ZBTB20: variants seen among roughly 807,000 people sequenced by gnomAD.
The protein encoded by ZBTB20 is zinc finger and BTB domain-containing protein 20.
A neutral mutation model predicts 56.9 loss-of-function variants in ZBTB20; 9 were observed. The observed-to-expected ratio is 0.16, with a 90% CI of 0.10 to 0.28. The LOEUF is 0.28. ZBTB20 is among the 10% of genes least tolerant of loss of function. The pLI, the probability that ZBTB20 is intolerant of heterozygous loss-of-function variation, is 1.00. For missense variants in ZBTB20, 655 were observed against 1,003.0 expected (o/e 0.65, Z 4.69); for synonymous variants, 417 against 420.7 (o/e 0.99, Z 0.11).
chr3:115,117,091 G>T (rs967119747), intron 1 of ZBTB20, among the ~76,000 whole-genome samples: 1 of 152,106 alleles, frequency 6.6e-6, no homozygotes, highest in African/African-American at 2.4e-5. Context: ...GTTGCAGAAA[G>T]TGCAGAAAGG....
intron 6 of ZBTB20, among the ~76,000 whole-genome samples, chr3:114,576,470 C>G (rs2054048277): frequency 8.3e-6 from 1 of 119,806 alleles, no homozygotes; most frequent in African/African-American, 3.2e-5. Flanking sequence ...CCGCTGCACT[C>G]CAGCCTGGGT....
At chr3:115,107,378 C>T (rs1240863011) in intron 1 of ZBTB20, among the ~76,000 whole-genome samples, 1 of 151,236 alleles carries the variant, frequency 6.6e-6, no homozygotes, top group Non-Finnish European at 1.5e-5. Context: ...TATGGTTGCA[C>T]CACTGCACTG....
At chr3:114,617,394 CCAGCACGGATTTAT>C (rs1439101593) in intron 6 of ZBTB20, among the ~76,000 whole-genome samples, 1 of 152,144 alleles carries the variant, frequency 6.6e-6, no homozygotes, top group Non-Finnish European at 1.5e-5. Flanking sequence ...CCTTCCATTC[CCAGCACGGATTTAT>C]CAGCTCTTCT....
At chr3:114,957,780 T>C (rs529628315) in intron 3 of ZBTB20, among the ~76,000 whole-genome samples, 16 of 152,170 alleles carry the variant, frequency 1.1e-4, no homozygotes, top group Non-Finnish European at 1.9e-4. Flanking sequence ...TCAACTCATA[T>C]CTGATGAGAA....
rs1224724687 is a variant in ZBTB20 at position 114,532,946 on chromosome 3, A to G, written c.-294-32555T>C. On this transcript the variant is annotated intron_variant, in intron 6 of 11. Transcript: ENST00000675478. ...ACAAACAGAAAGGAATAGCATCAAC[A>G]TTAACAAAAAAGATGTCCACACAAA... Among the ~76,000 whole-genome samples the G allele has an allele frequency of 2.0e-5, 3 of 152,242 alleles. No homozygotes were observed. The East Asian group carries it at 5.8e-4, about 29-fold the overall frequency.
Position 114,674,497 on chromosome 3 carries a change from T to C in ZBTB20, c.-295+19031A>G, listed in dbSNP as rs897638825. ...AAGAAAACAAGGGGAGGAATGAGCA[T>C]GTGGTACCTTGCTCTATTTTTAATT... is the stretch of plus-strand genomic sequence containing the variant. On this transcript the variant is annotated intron_variant, in intron 6 of 11. Coordinates refer to ENST00000675478, the MANE Select transcript of ZBTB20 (RefSeq NM_001348800.3). Among the ~76,000 whole-genome samples the C allele has an allele frequency of 7.9e-5, 12 of 152,196 alleles. 1 individual carries two copies. Among genetic ancestry groups the C allele is most frequent in the Admixed American group, 7.9e-4 (12 of 15,274 alleles).
chr3:115,007,215 T>C (rs1428870904), intron 2 of ZBTB20, among the ~76,000 whole-genome samples: 3 of 151,778 alleles, frequency 2.0e-5, no homozygotes, highest in African/African-American at 7.2e-5. Flanking sequence ...TATGTTTTGA[T>C]AAAATCAAGT....
intron 6 of ZBTB20, among the ~76,000 whole-genome samples, chr3:114,684,139 T>C (rs2062170584): frequency 6.6e-6 from 1 of 152,174 alleles, no homozygotes; most frequent in South Asian, 2.1e-4. Context: ...ACTGATTCTC[T>C]TGCTATGATG....
chr3:114,432,448 T>C (rs1361061833), intron 7 of ZBTB20, among the ~76,000 whole-genome samples: 8 of 152,212 alleles, frequency 5.3e-5, no homozygotes. Context: ...AGAATGGCAA[T>C]TGCTCATCCA....
intron 3 of ZBTB20, among the ~76,000 whole-genome samples, chr3:114,930,289 C>T (rs1438178142): frequency 6.6e-6 from 1 of 151,814 alleles, no homozygotes; most frequent in African/African-American, 2.4e-5. Context: ...GACGAGGTAC[C>T]TTATATCTTG....
At chr3:114,564,199 G>A (rs907217422) in intron 6 of ZBTB20, among the ~76,000 whole-genome samples, 2 of 151,798 alleles carry the variant, frequency 1.3e-5, no homozygotes, top group South Asian at 2.1e-4. Context: ...TCCTTTAAAC[G>A]GCCCTTATAA....
intron 1 of ZBTB20, among the ~76,000 whole-genome samples, chr3:115,072,017 A>G (rs1008205873): frequency 2.0e-5 from 3 of 152,182 alleles, no homozygotes; most frequent in African/African-American, 7.2e-5. Flanking sequence ...AAATACTTAG[A>G]AAACTATTCT....
At chr3:115,019,525 C>G (rs11927714) in intron 2 of ZBTB20, among the ~76,000 whole-genome samples, 13,429 of 151,186 alleles carry the variant, frequency 0.089, 1,739 homozygotes, top group African/African-American at 0.28. Context: ...CTGAAATGGT[C>G]TCAATGTTAA....
chr3:114,968,619 C>G (rs1251385352), intron 3 of ZBTB20, among the ~76,000 whole-genome samples: 1 of 152,116 alleles, frequency 6.6e-6, no homozygotes, highest in Admixed American at 6.6e-5. Flanking sequence ...CACATATACA[C>G]CCAATGAGAA....
intron 5 of ZBTB20, among the ~76,000 whole-genome samples, chr3:114,723,903 CTT>C (rs1260712400): frequency 6.6e-6 from 1 of 151,586 alleles, no homozygotes; most frequent in Non-Finnish European, 1.5e-5. Context: ...GAGTCTCACT[CTT>C]TTGCCCAGGC....
chr3:115,002,902 C>T (rs979491016), intron 2 of ZBTB20, among the ~76,000 whole-genome samples: 1 of 151,552 alleles, frequency 6.6e-6, no homozygotes, highest in Non-Finnish European at 1.5e-5. Flanking sequence ...AAATTGGAGG[C>T]AACGACGATG....
intron 1 of ZBTB20, among the ~76,000 whole-genome samples, chr3:115,096,112 A>G (rs909763132): frequency 1.3e-5 from 2 of 152,232 alleles, no homozygotes; most frequent in East Asian, 3.8e-4. Flanking sequence ...TAGTAATTGT[A>G]TAAAATAACA....
intron 2 of ZBTB20, among the ~76,000 whole-genome samples, chr3:115,010,324 T>A (rs1415248844): frequency 6.6e-6 from 1 of 151,980 alleles, no homozygotes; most frequent in Non-Finnish European, 1.5e-5. Context: ...TGAAACCCAC[T>A]GCTGTGCTGG....
chr3:114,858,320 A>C (rs1316224107), intron 4 of ZBTB20, among the ~76,000 whole-genome samples: 2 of 152,194 alleles, frequency 1.3e-5, no homozygotes, highest in Non-Finnish European at 2.9e-5. Flanking sequence ...TAAATACAGG[A>C]GGTAAAAATG....
Sources: allele counts gnomAD v4.1 joint callset (sites outside exome capture counted in the v4.1 genomes callset), GRCh38; gene constraint gnomAD v4.1.1; transcripts MANE v1.5; gene names NCBI Gene and HGNC (gene_info 2026-07-23, HGNC 2026-07-21).